The following RPA1 variants were observed in gnomAD, a reference collection of about 807,000 sequenced individuals.
The protein encoded by RPA1 is replication protein A1, also known as replication protein A 70 kDa DNA-binding subunit.
RPA1 carries 49 observed loss-of-function variants against 83.0 expected under a neutral mutation model. That is an observed-to-expected ratio of 0.59 (90% CI 0.47 to 0.75). The LOEUF (loss-of-function observed/expected upper bound fraction) is 0.75. RPA1 is among the 30% of genes least tolerant of loss of function. RPA1 has a pLI of 0.00. For missense variants in RPA1, 693 were observed against 776.1 expected, an observed-to-expected ratio of 0.89 and a Z score of 1.27; for synonymous variants, 279 against 281.8, an observed-to-expected ratio of 0.99 and a Z score of 0.10.
intron 14 of RPA1, 107 bp downstream of exon 14, chr17:1,888,958 C>T: frequency 1.7e-6 from 2 of 1,199,420 alleles, no homozygotes; most frequent in Non-Finnish European, 2.3e-6. Context: ...TGGTAGGAAG[C>T]CCGCAGATGA....
rs200958104 is a variant in RPA1, at chr17:1,869,066, A to G, written c.362-3368A>G. Among the ~76,000 whole-genome samples, 38 of 152,272 alleles carry G rather than the reference A, an allele frequency of 2.5e-4. No individual in the cohort carries two copies. The East Asian group carries it at 6.4e-3, about 26-fold the overall frequency. On this transcript the variant is annotated intron_variant, in intron 5 of 16. Transcript: ENST00000254719. ...TAAATTATTGGATTGACTCTTCTAC[A>G]TATTGTTTGTAGTTGTTAAGAAAGT... is the stretch of plus-strand genomic sequence containing the variant.
chr17:1,842,934 C>G, intron 2 of RPA1, 81 bp downstream of exon 2: 1 of 1,438,012 alleles, frequency 7.0e-7, no homozygotes. Flanking sequence ...GAAGGACAGA[C>G]AGATTTGTCC....
At chr17:1,845,473 C>G (rs930649104) in intron 4 of RPA1, among the ~76,000 whole-genome samples, 1 of 152,092 alleles carries the variant, frequency 6.6e-6, no homozygotes, top group Admixed American at 6.6e-5. Context: ...GAGTTTGAGA[C>G]TGCAGTGAGC....
chr17:1,881,444 C>T (rs1162169528), intron 12 of RPA1, among the ~76,000 whole-genome samples: 2 of 152,140 alleles, frequency 1.3e-5, no homozygotes, highest in Non-Finnish European at 2.9e-5. Context: ...GTCATTTAAA[C>T]CAATGGCACT....
chr17:1,871,900 G>C (rs768384419), intron 5 of RPA1, among the ~76,000 whole-genome samples: 1 of 152,142 alleles, frequency 6.6e-6, no homozygotes, highest in Non-Finnish European at 1.5e-5. Flanking sequence ...CCAACTGTCA[G>C]TTGCAAAATA....
At chr17:1,852,226 TAC>T (rs1912521629) in intron 4 of RPA1, among the ~76,000 whole-genome samples, 1 of 152,292 alleles carries the variant, frequency 6.6e-6, no homozygotes, top group South Asian at 2.1e-4. Context: ...TTATTGACAG[TAC>T]AGTCTAGTAG....
At chr17:1,840,113 G>A (rs1272871370) in intron 1 of RPA1, among the ~76,000 whole-genome samples, 1 of 151,718 alleles carries the variant, frequency 6.6e-6, no homozygotes. Context: ...TAAAAAAAAA[G>A]AAAAAGAAAA....
At chr17:1,855,331 TTGTGTG>T (rs141755840) in intron 5 of RPA1, among the ~76,000 whole-genome samples, 2 of 68,226 alleles carry the variant, frequency 2.9e-5, no homozygotes, top group East Asian at 7.3e-4. Context: ...CCGGCTAAAA[TTGTGTG>T]TGTGTGTGTG....
intron 5 of RPA1, among the ~76,000 whole-genome samples, chr17:1,867,241 C>T (rs367737113): frequency 1.3e-5 from 2 of 152,166 alleles, no homozygotes; most frequent in African/African-American, 4.8e-5. Flanking sequence ...TGAGACAAAG[C>T]AATGCTTAGC....
At chr17:1,852,952 C>T (rs984905141) in intron 4 of RPA1, 149 bp from the exon 5 acceptor site, 16 of 631,586 alleles carry the variant, frequency 2.5e-5, no homozygotes, top group South Asian at 9.7e-5. Flanking sequence ...GATAATGATG[C>T]GGCGAAAGAT....
intron 3 of RPA1, among the ~76,000 whole-genome samples, chr17:1,844,351 G>T (rs1912176411): frequency 6.6e-6 from 1 of 152,166 alleles, no homozygotes; most frequent in Non-Finnish European, 1.5e-5. Flanking sequence ...AGAAAGGAGA[G>T]AATTTTTAAA....
At chr17:1,865,566 T>C (rs1441260952) in intron 5 of RPA1, among the ~76,000 whole-genome samples, 2 of 152,208 alleles carry the variant, frequency 1.3e-5, no homozygotes, top group Non-Finnish European at 2.9e-5. Context: ...TGATTTAAAG[T>C]TATAGCTACC....
At chr17:1,864,596 T>A (rs1913111665) in intron 5 of RPA1, among the ~76,000 whole-genome samples, 1 of 152,018 alleles carries the variant, frequency 6.6e-6, no homozygotes, top group Non-Finnish European at 1.5e-5. Context: ...AGTCCATAAC[T>A]AACTTTTACT....
chr17:1,875,814 A>G (rs113141423), intron 7 of RPA1, 21 bp downstream of exon 7: 16 of 1,605,314 alleles, frequency 1.0e-5, no homozygotes, highest in Admixed American at 5.2e-5. Flanking sequence ...GCATAGAGTA[A>G]GTTCAGAGTG....
chr17:1,865,266 C>T (rs769866912), intron 5 of RPA1, among the ~76,000 whole-genome samples: 2 of 152,196 alleles, frequency 1.3e-5, no homozygotes, highest in African/African-American at 2.4e-5. Context: ...CCAGTGAGAA[C>T]AGTTTCCATT....
At chr17:1,886,130 TC>T (rs1913983397) in intron 13 of RPA1, among the ~76,000 whole-genome samples, 1 of 151,816 alleles carries the variant, frequency 6.6e-6, no homozygotes, top group Non-Finnish European at 1.5e-5. Flanking sequence ...ATTAATCTCC[TC>T]GTACTGTGTG....
chr17:1,894,421 C>T (rs1186077792), intron 15 of RPA1, among the ~76,000 whole-genome samples: 1 of 152,204 alleles, frequency 6.6e-6, no homozygotes, highest in African/African-American at 2.4e-5. Flanking sequence ...CCCGCTTCCG[C>T]TTCCCAAAGC....
chr17:1,835,681 A>C (rs1401875054), intron 1 of RPA1, among the ~76,000 whole-genome samples: 1 of 152,158 alleles, frequency 6.6e-6, no homozygotes, highest in Admixed American at 6.6e-5. Context: ...GGTCTTGTTC[A>C]GACATGTTAT....
intron 7 of RPA1, among the ~76,000 whole-genome samples, chr17:1,876,771 T>C (rs1176121783): frequency 6.6e-6 from 1 of 152,220 alleles, no homozygotes; most frequent in African/African-American, 2.4e-5. Context: ...GTGTTCTTCC[T>C]GATGGTCCAC....
Sources: gnomAD v4.1 joint callset for allele counts (sites outside exome capture counted in the v4.1 genomes callset) on GRCh38, gnomAD v4.1.1 for gene constraint, MANE v1.5 for transcripts, NCBI Gene and HGNC (gene_info 2026-07-23, HGNC 2026-07-21) for gene names.